Variants in CAMK2G observed in about 807,000 individuals in gnomAD.
The protein encoded by CAMK2G is calcium/calmodulin-dependent protein kinase type II subunit gamma.
Under a neutral mutation model 88.7 loss-of-function variants are expected in CAMK2G, and 23 were observed. The observed-to-expected ratio is 0.26, with a 90% CI of 0.19 to 0.37. CAMK2G has a LOEUF of 0.37. Ranked by LOEUF, CAMK2G falls within the 10% of genes least tolerant of loss-of-function variation. The pLI is 1.00. For synonymous variants in CAMK2G, 263 were observed against 294.8 expected (o/e 0.89, Z 1.11); for missense variants, 476 against 780.8 (o/e 0.61, Z 4.65).
At chr10:73,874,100 G>A (rs547764747) in intron 1 of CAMK2G, among the ~76,000 whole-genome samples, 101 of 150,040 alleles carry the variant, frequency 6.7e-4, no homozygotes, top group African/African-American at 2.2e-3. Context: ...GTCGGGAGGG[G>A]GGCGCCTGAA....
intron 19 of CAMK2G, chr10:73,818,836 G>A (rs1339766723): frequency 4.4e-6 from 2 of 456,166 alleles, no homozygotes; most frequent in Non-Finnish European, 8.8e-6. Flanking sequence ...TAGAAACTCT[G>A]CAAGGATAGA....
chr10:73,825,233 G>C (rs748771109), intron 16 of CAMK2G, 46 bp downstream of exon 16: 1 of 1,368,820 alleles, frequency 7.3e-7, no homozygotes, highest in Admixed American at 1.7e-5. Flanking sequence ...GGAAGGGGCA[G>C]GAGGCAGCCA....
chr10:73,829,700 GGTGTGTGTGT>G (rs60725888), intron 14 of CAMK2G, among the ~76,000 whole-genome samples: 3 of 138,366 alleles, frequency 2.2e-5, no homozygotes, highest in Non-Finnish European at 3.1e-5. Context: ...TAAGTAGTGG[GGTGTGTGTGT>G]GTGTGTGTGT....
At chr10:73,829,381 G>A (rs779928734) in intron 14 of CAMK2G, among the ~76,000 whole-genome samples, 6 of 151,436 alleles carry the variant, frequency 4.0e-5, no homozygotes, top group Non-Finnish European at 7.4e-5. Flanking sequence ...TGCAACCTCC[G>A]CCTCCCTGGT....
At chr10:73,857,815 G>A (rs2095153065) in intron 3 of CAMK2G, among the ~76,000 whole-genome samples, 1 of 152,196 alleles carries the variant, frequency 6.6e-6, no homozygotes, top group Non-Finnish European at 1.5e-5. Context: ...AGCGCTGTTT[G>A]GAGTTCGGCA....
intron 14 of CAMK2G, among the ~76,000 whole-genome samples, chr10:73,833,911 T>TG (rs1368798204): frequency 3.8e-5 from 3 of 78,632 alleles, no homozygotes; most frequent in Non-Finnish European, 5.3e-5. Flanking sequence ...TCTACTGGGT[T>TG]TTTTTTTTTT....
intron 3 of CAMK2G, among the ~76,000 whole-genome samples, chr10:73,855,101 C>T (rs2094929172): frequency 6.6e-6 from 1 of 152,064 alleles, no homozygotes; most frequent in Non-Finnish European, 1.5e-5. Flanking sequence ...GGAGCCAGCG[C>T]CAGGCCCCTG....
chr10:73,858,592 C>T (rs1238808539), intron 3 of CAMK2G, among the ~76,000 whole-genome samples: 2 of 152,162 alleles, frequency 1.3e-5, no homozygotes, highest in Non-Finnish European at 2.9e-5. Context: ...TCCTTAGGAC[C>T]TGGGAGCAGT....
chr10:73,817,236 A>G, intron 20 of CAMK2G, 119 bp from the exon 21 acceptor site: 1 of 1,384,796 alleles, frequency 7.2e-7, no homozygotes, highest in Non-Finnish European at 9.7e-7. Flanking sequence ...CAGACAAGAC[A>G]GCAAAGATCT....
intron 5 of CAMK2G, among the ~76,000 whole-genome samples, chr10:73,849,549 T>A (rs2094480525): frequency 6.6e-6 from 1 of 152,174 alleles, no homozygotes; most frequent in African/African-American, 2.4e-5. Flanking sequence ...ATGGTTTTTC[T>A]AGGATCACCG....
At chr10:73,827,249 C>T (rs1195688088) in intron 15 of CAMK2G, among the ~76,000 whole-genome samples, 19 of 152,240 alleles carry the variant, frequency 1.2e-4, no homozygotes, top group Non-Finnish European at 8.8e-5. Flanking sequence ...CGCAGTGGCG[C>T]GATCTCGGCT....
intron 9 of CAMK2G, among the ~76,000 whole-genome samples, chr10:73,847,763 G>T (rs2094350553): frequency 6.6e-6 from 1 of 152,200 alleles, no homozygotes; most frequent in South Asian, 2.1e-4. Context: ...GGACTTCAGT[G>T]GACTCCTCAA....
intron 13 of CAMK2G, among the ~76,000 whole-genome samples, chr10:73,838,031 G>A (rs2093421867): frequency 6.6e-6 from 1 of 152,254 alleles, no homozygotes; most frequent in South Asian, 2.1e-4. Flanking sequence ...GGTTTTGCCA[G>A]GGGGTTGAAG....
At chr10:73,823,971 C>T (rs2090044725) in intron 17 of CAMK2G, 69 bp downstream of exon 17, 3 of 1,248,292 alleles carry the variant, frequency 2.4e-6, no homozygotes, top group East Asian at 4.6e-5. Flanking sequence ...AGCCTGTAGA[C>T]CCCTGGGACC....
chr10:73,841,990 C>G (rs1350493118), intron 12 of CAMK2G, 179 bp downstream of exon 12: 1 of 641,232 alleles, frequency 1.6e-6, no homozygotes, highest in Non-Finnish European at 2.8e-6. Flanking sequence ...GTCCAGCCCC[C>G]TGAATCTCAG....
At chr10:73,869,287 T>C (rs1355461568) in intron 2 of CAMK2G, among the ~76,000 whole-genome samples, 2 of 152,194 alleles carry the variant, frequency 1.3e-5, no homozygotes, top group African/African-American at 4.8e-5. Flanking sequence ...CACACTAAAA[T>C]TGAAAATCAC....
At chr10:73,820,663 ATTTTTTTTTT>A (rs1198716305) in intron 18 of CAMK2G, among the ~76,000 whole-genome samples, 2 of 46,130 alleles carry the variant, frequency 4.3e-5, no homozygotes, top group African/African-American at 1.4e-4. Context: ...CACCCGGCTA[ATTTTTTTTTT>A]TTTTTTTTTT....
At chr10:73,816,493 C>T (rs753542263) in intron 21 of CAMK2G, 53 of 1,047,166 alleles carry the variant, frequency 5.1e-5, no homozygotes, top group Non-Finnish European at 6.0e-5. Flanking sequence ...TGGAGTCTTG[C>T]TCTGTTGCCC....
intron 18 of CAMK2G, 57 bp from the exon 19 acceptor site, chr10:73,819,702 A>C: frequency 8.9e-7 from 1 of 1,129,042 alleles, no homozygotes; most frequent in Non-Finnish European, 1.3e-6. Flanking sequence ...AACAAACAGA[A>C]CAAGGCAGGT....
Sources: allele counts gnomAD v4.1 joint callset (sites outside exome capture counted in the v4.1 genomes callset), GRCh38; gene constraint gnomAD v4.1.1; transcripts MANE v1.5; gene names NCBI Gene and HGNC (gene_info 2026-07-23, HGNC 2026-07-21).